Variants in CATSPERB observed in about 807,000 individuals in gnomAD.
CATSPERB encodes the protein cation channel sperm-associated auxiliary subunit beta.
A neutral mutation model predicts 128.3 loss-of-function variants in CATSPERB; 93 were observed. That is an observed-to-expected ratio of 0.72 (90% confidence interval 0.61 to 0.86). CATSPERB has a LOEUF of 0.86. Among genes scored for constraint, CATSPERB ranks in the 40% least tolerant of loss-of-function variants. CATSPERB has a pLI of 0.00. For synonymous variants in CATSPERB, 381 were observed against 448.8 expected, an observed-to-expected ratio of 0.85 and a Z score of 1.91; for missense variants, 1,153 against 1,329.5, an observed-to-expected ratio of 0.87 and a Z score of 2.06.
chr14:91,630,044 T>C (rs1180641274), intron 17 of CATSPERB, among the ~76,000 whole-genome samples: 2 of 152,216 alleles, frequency 1.3e-5, no homozygotes, highest in African/African-American at 4.8e-5. Flanking sequence ...TTCCACTCCA[T>C]GCCAATGAAA....
intron 15 of CATSPERB, among the ~76,000 whole-genome samples, chr14:91,656,562 C>T (rs1408820602): frequency 6.6e-6 from 1 of 151,876 alleles, no homozygotes; most frequent in Non-Finnish European, 1.5e-5. Flanking sequence ...AGAAAATTGC[C>T]TTCACTAAAA....
chr14:91,708,078 G>A (rs946412753), intron 6 of CATSPERB, 63 bp downstream of exon 6: 55 of 1,051,522 alleles, frequency 5.2e-5, no homozygotes, highest in African/African-American at 9.4e-5. Context: ...GGCATATAGC[G>A]GATGTCAAAG....
At chr14:91,658,605 C>T (rs201534685) in intron 15 of CATSPERB, among the ~76,000 whole-genome samples, 1 of 145,978 alleles carries the variant, frequency 6.9e-6, no homozygotes, top group African/African-American at 2.5e-5. Context: ...CCATTTACCC[C>T]GATATGATTA....
intron 19 of CATSPERB, among the ~76,000 whole-genome samples, chr14:91,619,632 T>G (rs1894006195): frequency 6.6e-6 from 1 of 152,026 alleles, no homozygotes; most frequent in Non-Finnish European, 1.5e-5. Flanking sequence ...CATACTCATT[T>G]GATAGTGTCT....
intron 6 of CATSPERB, 41 bp downstream of exon 6, chr14:91,708,099 GA>G (rs775091852): frequency 2.2e-6 from 3 of 1,382,408 alleles, no homozygotes; most frequent in East Asian, 4.6e-5. Context: ...TTTGTTGAAA[GA>G]ATATATGAAT....
chr14:91,636,213 C>T (rs1595157594), intron 17 of CATSPERB: 1 of 481,984 alleles, frequency 2.1e-6, no homozygotes, highest in Non-Finnish European at 3.7e-6. Context: ...AAATACAAAA[C>T]TTAGCCGGGC....
At chr14:91,650,338 A>G (rs886872992) in intron 15 of CATSPERB, among the ~76,000 whole-genome samples, 4 of 152,230 alleles carry the variant, frequency 2.6e-5, no homozygotes, top group African/African-American at 4.8e-5. Flanking sequence ...GCAATAGGAC[A>G]TATGTTTATC....
intron 11 of CATSPERB, among the ~76,000 whole-genome samples, chr14:91,674,664 C>G (rs1236898971): frequency 6.6e-6 from 1 of 152,188 alleles, no homozygotes; most frequent in African/African-American, 2.4e-5. Flanking sequence ...CCACTCGACA[C>G]TCCATGCACT....
At chr14:91,650,336 A>T (rs918548350) in intron 15 of CATSPERB, among the ~76,000 whole-genome samples, 3 of 152,204 alleles carry the variant, frequency 2.0e-5, no homozygotes, top group Admixed American at 6.5e-5. Context: ...AAGCAATAGG[A>T]CATATGTTTA....
chr14:91,690,750 T>C (rs543618726), intron 10 of CATSPERB, among the ~76,000 whole-genome samples: 39 of 152,378 alleles, frequency 2.6e-4, no homozygotes, highest in African/African-American at 8.7e-4. Context: ...TGTGGGTATA[T>C]GTGCACATGC....
chr14:91,699,536 C>T (rs1399080422), intron 7 of CATSPERB, among the ~76,000 whole-genome samples: 2 of 151,704 alleles, frequency 1.3e-5, no homozygotes, highest in Non-Finnish European at 2.9e-5. Context: ...ACCAATTTTG[C>T]ATCCCAGGAA....
intron 4 of CATSPERB, among the ~76,000 whole-genome samples, chr14:91,721,583 C>T (rs1020346823): frequency 2.0e-5 from 3 of 152,098 alleles, no homozygotes; most frequent in Non-Finnish European, 4.4e-5. Flanking sequence ...GGCATGATGG[C>T]TCATGCCTGT....
At chr14:91,622,722 T>C (rs1290763658) in intron 18 of CATSPERB, among the ~76,000 whole-genome samples, 1 of 152,086 alleles carries the variant, frequency 6.6e-6, no homozygotes, top group African/African-American at 2.4e-5. Context: ...TCCTTTCCAA[T>C]ATTCCCTCCA....
At chr14:91,632,824 C>T (rs565341045) in intron 17 of CATSPERB, among the ~76,000 whole-genome samples, 7 of 151,780 alleles carry the variant, frequency 4.6e-5, no homozygotes, top group African/African-American at 1.7e-4. Context: ...AAAACACACA[C>T]ACACACACAC....
At chr14:91,648,830 C>G (rs570865695) in intron 15 of CATSPERB, among the ~76,000 whole-genome samples, 4 of 152,154 alleles carry the variant, frequency 2.6e-5, no homozygotes, top group African/African-American at 9.6e-5. Context: ...ATTTTAAAAT[C>G]CAAAATAAGA....
At chr14:91,606,154 C>T (rs558624571) in intron 22 of CATSPERB, among the ~76,000 whole-genome samples, 84 of 148,516 alleles carry the variant, frequency 5.7e-4, no homozygotes, top group African/African-American at 7.9e-4. Flanking sequence ...CCAGCCTGGG[C>T]GACAGAGCAA....
chr14:91,603,475 TAAGTCTTA>T (rs1893642882), intron 22 of CATSPERB: 1 of 1,328,336 alleles, frequency 7.5e-7, no homozygotes, highest in African/African-American at 1.4e-5. Context: ...TTCTGCTCCC[TAAGTCTTA>T]AAGTGTGGGC....
intron 7 of CATSPERB, among the ~76,000 whole-genome samples, chr14:91,703,583 G>A (rs1895687245): frequency 6.6e-6 from 1 of 152,226 alleles, no homozygotes; most frequent in Non-Finnish European, 1.5e-5. Flanking sequence ...GAAGTGGGGA[G>A]GGTGTGGAGA....
chr14:91,702,709 C>CACACACA, intron 7 of CATSPERB, among the ~76,000 whole-genome samples: 1 of 149,070 alleles, frequency 6.7e-6, no homozygotes, highest in African/African-American at 2.5e-5. Flanking sequence ...CACACACAAA[C>CACACACA]CAAAAACATT....
Sources: allele counts gnomAD v4.1 joint callset (sites outside exome capture counted in the v4.1 genomes callset), GRCh38; gene constraint gnomAD v4.1.1; transcripts MANE v1.5; gene names NCBI Gene and HGNC (gene_info 2026-07-23, HGNC 2026-07-21).